PGBD5: variants seen among roughly 807,000 people sequenced by gnomAD.
PGBD5 encodes piggyBac transposable element derived 5, also known as piggyBac transposable element-derived protein 5.
In PGBD5, 14 loss-of-function variants were observed where a neutral mutation model predicts 47.9. The ratio of observed to expected loss-of-function variants is 0.29; its 90% CI spans 0.19 to 0.46. The LOEUF (loss-of-function observed/expected upper bound fraction) is 0.46. Ranked by LOEUF, PGBD5 falls within the 20% of genes least tolerant of loss-of-function variation. PGBD5 has a pLI of 1.00. For synonymous variants in PGBD5, 316 were observed against 306.3 expected, an observed-to-expected ratio of 1.03 and a Z score of -0.33; for missense variants, 635 against 716.0, an observed-to-expected ratio of 0.89 and a Z score of 1.29.
intron 1 of PGBD5, among the ~76,000 whole-genome samples, chr1:230,379,249 T>C (rs1668057340): frequency 6.6e-6 from 1 of 152,082 alleles, no homozygotes; most frequent in Non-Finnish European, 1.5e-5. Flanking sequence ...CACTTAGTAA[T>C]TCATGCCACA....
Position 230,356,992 on chromosome 1 carries a change from G to A in PGBD5, c.661C>T (p.Arg221Cys), listed in dbSNP as rs1390100566. ...AGCCCGTGCGTGGTCTGGCTGGAGC[G>A]GAAGGCCACGACGTGGAAGTACTTG... The part of the protein sequence containing the change: ...ILKYFHVVAF[R>C]SSQTTHGLYK... The change falls in exon 2 of 7, where the codon CGC (arginine) becomes TGC (cysteine). Residue 221 changes from arginine to cysteine, a missense_variant. Physicochemically the swap from Arg to Cys is radical, Grantham distance 180 (BLOSUM62 -3). Transcript: ENST00000391860. The A allele has an allele frequency of 7.4e-6, 12 of 1,614,062 alleles. No homozygotes were observed. The East Asian group carries it at 2.2e-4, about 30-fold the overall frequency.
rs528184579 is a variant in PGBD5, at chr1:230,361,028, TC to T, written c.332-3708del. ...TGACTCACAGCTGGGGAGGCCTTCCTCCCAGGCCAGCCTGAGTGCACCTGCT... is the reference window on the plus strand; with the variant it reads ...TGACTCACAGCTGGGGAGGCCTTCCTCCAGGCCAGCCTGAGTGCACCTGCT... On this transcript the variant is annotated intron_variant, in intron 1 of 6. Coordinates refer to ENST00000391860, the MANE Select transcript of PGBD5 (RefSeq NM_001258311.2). 3.8e-3 allele frequency among the ~76,000 whole-genome samples: 583 copies of T among 152,272 alleles called. 4 individuals carry two copies. Among genetic ancestry groups the T allele is most frequent in the African/African-American group, 0.014 (563 of 41,548 alleles).
At chr1:230,370,503 TTC>T (rs1667913133) in intron 1 of PGBD5, among the ~76,000 whole-genome samples, 1 of 152,242 alleles carries the variant, frequency 6.6e-6, no homozygotes, top group East Asian at 1.9e-4. Flanking sequence ...CAGGCTTGTG[TTC>T]TGTCTGCTTT....
At chr1:230,338,737 T>C (rs1571829625) in intron 3 of PGBD5, among the ~76,000 whole-genome samples, 1 of 151,906 alleles carries the variant, frequency 6.6e-6, no homozygotes, top group Non-Finnish European at 1.5e-5. Flanking sequence ...GAGGTGGAGG[T>C]TGCAGTGAGC....
chr1:230,424,862 T>TCC lies in PGBD5; in HGVS notation c.331+735_331+736insGG, dbSNP rs915287600. The stretch of plus-strand genomic sequence containing the variant: ...CACAAAAACAGACAGTGAAGAGGAG[T>TCC]GGGGCAGCCGCAGCTGCCAGCACCC... On this transcript the variant is annotated intron_variant, in intron 1 of 6. Coordinates refer to ENST00000391860, the MANE Select transcript of PGBD5 (RefSeq NM_001258311.2). Among the ~76,000 whole-genome samples, 24 of 152,006 alleles carry TCC rather than the reference T, an allele frequency of 1.6e-4. 1 individual carries two copies. Among genetic ancestry groups the TCC allele is most frequent in the Admixed American group, 1.3e-3 (20 of 15,278 alleles).
intron 1 of PGBD5, among the ~76,000 whole-genome samples, chr1:230,388,071 C>T (rs1658807009): frequency 6.6e-6 from 1 of 152,124 alleles, no homozygotes; most frequent in South Asian, 2.1e-4. Flanking sequence ...CCCCGCCAAC[C>T]AATTCATGTT....
Position 230,357,310 on chromosome 1 carries a change from T to C in PGBD5, c.343A>G (p.Lys115Glu). The change falls in exon 2 of 7, where the codon AAG becomes GAG. Residue 115 changes from lysine to glutamate, a missense_variant. Lys to Glu is a moderately conservative substitution (Grantham distance 56). Coordinates refer to ENST00000391860, the MANE Select transcript of PGBD5 (RefSeq NM_001258311.2). The surrounding 1 kb of genome is among the most constrained non-coding windows in gnomAD (Gnocchi z 5.7). ...RFEDTGGPTR[K>E]MPPSASAVDF... is the part of the protein sequence containing the mutation. ...ACGGCACTGGCGCTGGGGGGCATCT[T>C]TCGGGTGGGACCTGAAACCCAAAGA... 18 of 1,613,166 alleles carry C rather than the reference T, an allele frequency of 1.1e-5. No homozygotes were observed. The highest frequency in any genetic ancestry group is 1.5e-5 in the Non-Finnish European group (18 of 1,179,410).
At chr1:230,334,632 A>G (rs10864743) in intron 4 of PGBD5, among the ~76,000 whole-genome samples, 140,366 of 152,248 alleles carry the variant, frequency 0.92, 65,766 homozygotes, top group East Asian at 1. Flanking sequence ...AGACCAATGC[A>G]ATCTGTGTCC....
At chr1:230,409,303 T>C (rs1053254955) in intron 1 of PGBD5, among the ~76,000 whole-genome samples, 1 of 152,194 alleles carries the variant, frequency 6.6e-6, no homozygotes, top group Non-Finnish European at 1.5e-5. Context: ...AGCCTGGTAG[T>C]TTCTCAAAAC....
chr1:230,376,686 G>A (rs1380357504), intron 1 of PGBD5, among the ~76,000 whole-genome samples: 2 of 152,144 alleles, frequency 1.3e-5, no homozygotes, highest in Admixed American at 6.5e-5. Flanking sequence ...CACAACTCCA[G>A]GGTCAGAGCC....
At chr1:230,326,495 G>T (rs940756778) in intron 5 of PGBD5, among the ~76,000 whole-genome samples, 2 of 152,192 alleles carry the variant, frequency 1.3e-5, no homozygotes, top group Non-Finnish European at 2.9e-5. Flanking sequence ...GTCTTGCTCT[G>T]TCACTCAGGC....
intron 1 of PGBD5, among the ~76,000 whole-genome samples, chr1:230,403,682 G>A (rs1657202031): frequency 6.6e-6 from 1 of 152,214 alleles, no homozygotes; most frequent in Non-Finnish European, 1.5e-5. Context: ...CACAAGTAAA[G>A]GGAAGGTCAT....
chr1:230,363,905 CGTT>C (rs1023371322), intron 1 of PGBD5, among the ~76,000 whole-genome samples: 10 of 152,292 alleles, frequency 6.6e-5, no homozygotes, highest in South Asian at 2.1e-4. Flanking sequence ...CAGCCAATCT[CGTT>C]GTTTTCTCAA....
intron 5 of PGBD5, among the ~76,000 whole-genome samples, chr1:230,326,854 T>A (rs1324236899): frequency 6.6e-6 from 1 of 152,014 alleles, no homozygotes; most frequent in East Asian, 1.9e-4. Flanking sequence ...CTTTCATGCC[T>A]CCTCGAACTT....
At chr1:230,404,307 CA>C (rs1166086954) in intron 1 of PGBD5, among the ~76,000 whole-genome samples, 2 of 152,034 alleles carry the variant, frequency 1.3e-5, no homozygotes, top group East Asian at 3.9e-4. Context: ...AGGGAGACCC[CA>C]TCTCTACAAA....
chr1:230,414,660 C>A (rs1245950938), intron 1 of PGBD5, among the ~76,000 whole-genome samples: 1 of 152,206 alleles, frequency 6.6e-6, no homozygotes, highest in East Asian at 1.9e-4. Context: ...TGCTCCAACA[C>A]CCCAGCTCGC....
chr1:230,362,315 C>G (rs2009265), intron 1 of PGBD5: 1 of 1,367,464 alleles, frequency 7.3e-7, no homozygotes, highest in Non-Finnish European at 9.8e-7. Context: ...GTGCAGGGCA[C>G]GAGGAATGGA....
At chr1:230,413,154 T>G (rs1236655210) in intron 1 of PGBD5, among the ~76,000 whole-genome samples, 1 of 152,178 alleles carries the variant, frequency 6.6e-6, no homozygotes. Context: ...GAGGACTTAC[T>G]GTGCTTTGTG....
At chr1:230,396,213 T>C (rs199338) in intron 1 of PGBD5, among the ~76,000 whole-genome samples, 102 of 47,786 alleles carry the variant, frequency 2.1e-3, no homozygotes, top group Admixed American at 2.2e-3. Context: ...TCCCTTTTAC[T>C]CACATTCCTC....
Sources: gnomAD v4.1 joint callset for allele counts (sites outside exome capture counted in the v4.1 genomes callset) on GRCh38, gnomAD v4.1.1 for gene constraint, Gnocchi (gnomAD v3.1) non-coding constraint, MANE v1.5 for transcripts, NCBI Gene and HGNC (gene_info 2026-07-23, HGNC 2026-07-21) for gene names.